MRPL13: variants seen among roughly 807,000 people sequenced by gnomAD.
The protein encoded by MRPL13 is mitochondrial ribosomal protein L13.
In MRPL13, 33 loss-of-function variants were observed where a neutral mutation model predicts 29.0. The observed-to-expected ratio is 1.14, with a 90% confidence interval of 0.86 to 1.52. The LOEUF (loss-of-function observed/expected upper bound fraction) is 1.52. MRPL13 is among the 40% of genes most tolerant of loss of function. The pLI, the probability that MRPL13 is intolerant of heterozygous loss-of-function variation, is 0.00. For synonymous variants in MRPL13, 77 were observed against 68.4 expected (o/e 1.13, Z -0.62); for missense variants, 227 against 216.7 (o/e 1.05, Z -0.30).
chr8:120,429,193 TGCAGCAACATGGATGCAGCTG>T (rs2130476903), intron 3 of MRPL13, among the ~76,000 whole-genome samples: 1 of 152,262 alleles, frequency 6.6e-6, no homozygotes, highest in East Asian at 1.9e-4. Context: ...TCATGTCCTT[TGCAGCAACATGGATGCAGCTG>T]GAGGCTATTA....
At chr8:120,432,641 T>A (rs1392489567) in intron 2 of MRPL13, among the ~76,000 whole-genome samples, 1 of 152,110 alleles carries the variant, frequency 6.6e-6, no homozygotes, top group Admixed American at 6.6e-5. Flanking sequence ...TTTGATCTTA[T>A]TAACTACCAT....
At position 120,395,784 on chromosome 8, in the gene MRPL13, A is replaced by C. The variant is rs1183235819; in HGVS notation, c.*320T>G. The C allele has an allele frequency of 1.5e-5, 3 of 202,098 alleles. No homozygotes were observed. In the East Asian group the frequency reaches 3.6e-4, roughly 24 times the overall value. 12.5% of individuals were successfully genotyped at this position (202,098 alleles called of 1,614,324 possible). On this transcript the variant is annotated 3_prime_UTR_variant, in exon 7 of 7. Transcript: ENST00000306185. ...AATCTGCATGGAGAGGCATTTTTGG[A>C]ATGTGTAACTGCAATTCTATACACA...
chr8:120,428,271 T>C (rs1197140828), intron 3 of MRPL13, among the ~76,000 whole-genome samples: 1 of 152,082 alleles, frequency 6.6e-6, no homozygotes, highest in African/African-American at 2.4e-5. Context: ...TAAATGGTGC[T>C]GGGAGAACTG....
intron 2 of MRPL13, among the ~76,000 whole-genome samples, chr8:120,439,606 ATC>A (rs1204060813): frequency 2.0e-5 from 3 of 152,180 alleles, no homozygotes; most frequent in African/African-American, 4.8e-5. Flanking sequence ...CTCACAAAAC[ATC>A]TGTTTGAAAG....
At chr8:120,421,005 G>A (rs1812866589) in intron 4 of MRPL13, among the ~76,000 whole-genome samples, 1 of 151,572 alleles carries the variant, frequency 6.6e-6, no homozygotes, top group African/African-American at 2.4e-5. Context: ...CGTAAACAAA[G>A]GTGAAACAAC....
At chr8:120,397,146 T>C (rs1023684327) in intron 6 of MRPL13, among the ~76,000 whole-genome samples, 1 of 152,048 alleles carries the variant, frequency 6.6e-6, no homozygotes, top group African/African-American at 2.4e-5. Flanking sequence ...CTCTCACGGA[T>C]CTTTGCAGCC....
chr8:120,440,863 T>C (rs1813115533), intron 2 of MRPL13, among the ~76,000 whole-genome samples: 1 of 151,956 alleles, frequency 6.6e-6, no homozygotes, highest in Non-Finnish European at 1.5e-5. Context: ...GTGGAGGCAA[T>C]GGCAGAAGAA....
At chr8:120,426,462 T>C (rs959788904) in intron 3 of MRPL13, among the ~76,000 whole-genome samples, 6 of 152,282 alleles carry the variant, frequency 3.9e-5, no homozygotes, top group Admixed American at 2.6e-4. Flanking sequence ...AAGAAATGCC[T>C]GTCTAGACTT....
intron 6 of MRPL13, among the ~76,000 whole-genome samples, chr8:120,410,370 T>C (rs1473262268): frequency 2.6e-5 from 4 of 152,192 alleles, no homozygotes; most frequent in African/African-American, 9.7e-5. Context: ...AACAAAAGCA[T>C]ATCTTAAGCA....
intron 2 of MRPL13, 85 bp downstream of exon 2, chr8:120,443,100 A>T (rs2130490355): frequency 7.9e-7 from 1 of 1,263,528 alleles, no homozygotes; most frequent in Non-Finnish European, 1.0e-6. Flanking sequence ...AAGGGCCCTT[A>T]AACTCAGCCC....
chr8:120,425,538 A>C (rs1019500222), intron 3 of MRPL13, among the ~76,000 whole-genome samples, 172 bp from the exon 4 acceptor site: 1 of 152,202 alleles, frequency 6.6e-6, no homozygotes, highest in African/African-American at 2.4e-5. Context: ...TATTCTCTTA[A>C]ATGGTCAACT....
chr8:120,430,140 T>C (rs1043322352), intron 3 of MRPL13, among the ~76,000 whole-genome samples: 1 of 152,162 alleles, frequency 6.6e-6, no homozygotes, highest in Admixed American at 6.5e-5. Flanking sequence ...TGCACACCTG[T>C]AGTCCCAGCT....
chr8:120,443,624 T>C (rs539439942), intron 1 of MRPL13, among the ~76,000 whole-genome samples: 20 of 151,946 alleles, frequency 1.3e-4, no homozygotes, highest in African/African-American at 4.8e-4. Flanking sequence ...TGACTTTTTT[T>C]TTTTTTTTTG....
chr8:120,416,768 T>C (rs1392109018), intron 5 of MRPL13, among the ~76,000 whole-genome samples: 1 of 152,234 alleles, frequency 6.6e-6, no homozygotes, highest in African/African-American at 2.4e-5. Flanking sequence ...ACTTTTTGGA[T>C]GAACCATTTT....
intron 6 of MRPL13, among the ~76,000 whole-genome samples, chr8:120,402,097 T>A (rs2130450660): frequency 1.3e-5 from 2 of 152,324 alleles, no homozygotes; most frequent in Middle Eastern, 6.8e-3. Flanking sequence ...ACAGATTCAA[T>A]GCTATTCCCA....
intron 6 of MRPL13, among the ~76,000 whole-genome samples, chr8:120,409,764 A>C (rs190703620): frequency 6.6e-6 from 1 of 152,182 alleles, no homozygotes; most frequent in African/African-American, 2.4e-5. Context: ...TGAATGGGCA[A>C]TAGTACCCAT....
At chr8:120,441,910 T>C (rs891319403) in intron 2 of MRPL13, among the ~76,000 whole-genome samples, 1 of 152,202 alleles carries the variant, frequency 6.6e-6, no homozygotes, top group Non-Finnish European at 1.5e-5. Context: ...AAATATATGA[T>C]AAAATGTTAA....
At chr8:120,396,333 G>T (rs913893159) in intron 6 of MRPL13, among the ~76,000 whole-genome samples, 6 of 151,824 alleles carry the variant, frequency 4.0e-5, no homozygotes, top group African/African-American at 1.5e-4. Context: ...AAGTCTTTTT[G>T]AAAGTATAAA....
chr8:120,412,295 C>A (rs1812747936), intron 6 of MRPL13, among the ~76,000 whole-genome samples: 1 of 152,078 alleles, frequency 6.6e-6, no homozygotes, highest in Non-Finnish European at 1.5e-5. Context: ...TGAATATTTT[C>A]AAACTACATC....
Sources: gnomAD v4.1 joint callset for allele counts (sites outside exome capture counted in the v4.1 genomes callset) on GRCh38, gnomAD v4.1.1 for gene constraint, MANE v1.5 for transcripts, NCBI Gene and HGNC (gene_info 2026-07-23, HGNC 2026-07-21) for gene names.